ZNF652: variants seen among roughly 807,000 people sequenced by gnomAD.
The protein encoded by ZNF652 is zinc finger protein 652.
Under a neutral mutation model 45.2 loss-of-function variants are expected in ZNF652, and 16 were observed. That is an observed-to-expected ratio of 0.35 (90% CI 0.24 to 0.54). The LOEUF is 0.54. ZNF652 is among the 20% of genes least tolerant of loss of function. The pLI is 0.91. For missense variants in ZNF652, 614 were observed against 765.6 expected, an observed-to-expected ratio of 0.80 and a Z score of 2.34; for synonymous variants, 250 against 260.6, an observed-to-expected ratio of 0.96 and a Z score of 0.39.
chr17:49,343,045 C>G (rs2070166622), intron 1 of ZNF652, among the ~76,000 whole-genome samples: 2 of 152,100 alleles, frequency 1.3e-5, no homozygotes, highest in South Asian at 4.1e-4. Flanking sequence ...CCACACCCGG[C>G]TAATTTTTGT....
At position 49,316,989 on chromosome 17, in the gene ZNF652, G is replaced by A. The variant is rs748189084; in HGVS notation, c.737C>T (p.Thr246Ile). ...KAKCEEKETL[T>I]CEKCPRVFNT... ...AAATACCCTGGGGCACTTCTCACAG[G>A]TCAGAGTCTCTTTCTCTTCACACTT... Residue 246 changes from threonine to isoleucine, a missense_variant, in exon 2 of 6, where the codon ACC (threonine) becomes ATC (isoleucine). Physicochemically the swap from Thr to Ile is moderately conservative, Grantham distance 89. Around this residue, in one of 5 missense-constraint regions of ZNF652, gnomAD observed 262 missense variants for 306.3 expected, o/e 0.86. Coordinates refer to ENST00000430262, the MANE Select transcript of ZNF652 (RefSeq NM_001145365.3). 5.0e-6 allele frequency: 8 copies of A among 1,614,110 alleles called. No homozygotes were observed. Among genetic ancestry groups the A allele is most frequent in the Non-Finnish European group, 6.8e-6 (8 of 1,180,044 alleles).
chr17:49,293,680 A>C lies in ZNF652; in HGVS notation c.*4733T>G, dbSNP rs111780672. On this transcript the variant is annotated 3_prime_UTR_variant, in exon 6 of 6. Coordinates refer to ENST00000430262, the MANE Select transcript of ZNF652 (RefSeq NM_001145365.3). ...TAAAAAAAAAAAAAAAAAAAAAAAA[A>C]AAAAACTCTTAAGTAATTTCCTATC... 0.012 allele frequency among the ~76,000 whole-genome samples: 1,829 copies of C among 148,928 alleles called. 29 individuals are homozygous for C. Among genetic ancestry groups the C allele is most frequent in the African/African-American group, 0.044 (1,751 of 39,510 alleles).
intron 1 of ZNF652, among the ~76,000 whole-genome samples, chr17:49,337,314 C>T (rs1598307720): frequency 7.3e-6 from 1 of 137,418 alleles, no homozygotes; most frequent in Admixed American, 7.8e-5. Flanking sequence ...CCAGCATGGG[C>T]AACAGACCAA....
intron 2 of ZNF652, among the ~76,000 whole-genome samples, chr17:49,316,111 CATAAT>C (rs2069800611): frequency 1.3e-5 from 2 of 152,230 alleles, no homozygotes; most frequent in Admixed American, 1.3e-4. Flanking sequence ...ATCCACTTGA[CATAAT>C]ATAATTAGCA....
At position 49,316,793 on chromosome 17, in the gene ZNF652, T is replaced by A. The variant is rs372331458; in HGVS notation, c.900+33A>T. On this transcript the variant is annotated intron_variant, in intron 2 of 5. Transcript: ENST00000430262. ...GAATCTGAACAGCCAGGTTCTATCC[T>A]GAAAAGTTTTCCCTCTCGGTGATGA... 8 of 1,576,024 alleles carry A rather than the reference T, an allele frequency of 5.1e-6. No individual in the cohort carries two copies. The African/African-American group carries it at 9.5e-5, about 19-fold the overall frequency.
Position 49,312,046 on chromosome 17 carries a change from C to T in ZNF652, c.1049-4G>A. ...AATGGCATGTCTTTTGTGTGTGCTG[C>T]AACACAGAATGTACTTAGTGTCAAA... On this transcript the variant is annotated splice_region_variant and splice_polypyrimidine_tract_variant and intron_variant, in intron 3 of 5. Coordinates refer to ENST00000430262, the MANE Select transcript of ZNF652 (RefSeq NM_001145365.3). 2.5e-6 allele frequency: 4 copies of T among 1,604,520 alleles called. No individual in the cohort carries two copies. The highest frequency in any genetic ancestry group is 3.4e-6 in the Non-Finnish European group (4 of 1,172,724).
chr17:49,342,885 A>ATTT (rs752751225), intron 1 of ZNF652, among the ~76,000 whole-genome samples: 1 of 142,114 alleles, frequency 7.0e-6, no homozygotes, highest in African/African-American at 2.6e-5. Flanking sequence ...TCCACATAGA[A>ATTT]TTTTTTTTTT....
intron 1 of ZNF652, among the ~76,000 whole-genome samples, chr17:49,349,791 A>C (rs1012871640): frequency 2.0e-5 from 3 of 152,214 alleles, no homozygotes; most frequent in African/African-American, 7.2e-5. Context: ...ATGGAATACA[A>C]GAAGGGTGGG....
At chr17:49,338,601 TA>T (rs2143872167) in intron 1 of ZNF652, among the ~76,000 whole-genome samples, 1 of 152,336 alleles carries the variant, frequency 6.6e-6, no homozygotes, top group African/African-American at 2.4e-5. Flanking sequence ...AGCATCCTAA[TA>T]ATGCATACAG....
intron 1 of ZNF652, among the ~76,000 whole-genome samples, chr17:49,319,037 C>T (rs1432444478): frequency 6.6e-6 from 1 of 152,080 alleles, no homozygotes; most frequent in African/African-American, 2.4e-5. Context: ...TCTAAGAAAC[C>T]ATAACCATGA....
At chr17:49,316,790 T>C in intron 2 of ZNF652, 36 bp downstream of exon 2, 2 of 1,572,980 alleles carry the variant, frequency 1.3e-6, no homozygotes, top group Non-Finnish European at 1.7e-6. Flanking sequence ...CCAGGTTCTA[T>C]CCTGAAAAGT....
chr17:49,289,209 GGCT>G lies in ZNF652; in HGVS notation c.*9201_*9203del, dbSNP rs1224823354. 7.0e-6 allele frequency: 1 copy of G among 141,966 alleles called. No individual in the cohort carries two copies. The highest frequency in any genetic ancestry group is 1.5e-5 in the Non-Finnish European group (1 of 65,132). 8.8% of individuals were successfully genotyped at this position (141,966 alleles called of 1,614,324 possible). A position where few individuals can be genotyped will look rare whatever the true frequency, so the allele number is the denominator to read the frequency against. ...ATGAAGAAAGACACACAGGGGATAT[GGCT>G]GCTTTTTTTTTTTTTTTTTACTTTG... On this transcript the variant is annotated 3_prime_UTR_variant, in exon 6 of 6. Coordinates refer to ENST00000430262, the MANE Select transcript of ZNF652 (RefSeq NM_001145365.3).
At chr17:49,310,927 A>C (rs1297205518) in intron 5 of ZNF652, among the ~76,000 whole-genome samples, 1 of 152,110 alleles carries the variant, frequency 6.6e-6, no homozygotes, top group Non-Finnish European at 1.5e-5. Flanking sequence ...CAAAAAACAG[A>C]GAGAGAGGGG....
In ZNF652 at chr17:49,317,661, A is replaced by G; in HGVS notation, c.65T>C (p.Met22Thr). ...VENCAVHVAG[M>T]AQEDSRRGQV... The stretch of plus-strand genomic sequence containing the variant: ...ACCACGACGGCTATCTTCTTGTGCC[A>G]TTCCTGCTACATGCACAGCACAGTT... The change falls in exon 2 of 6, where the codon ATG (methionine) becomes ACG (threonine). Residue 22 changes from methionine (M) to threonine (T), a missense_variant. Physicochemically the swap from Met to Thr is moderately conservative, Grantham distance 81 (BLOSUM62 -1). Coordinates refer to ENST00000430262, the MANE Select transcript of ZNF652 (RefSeq NM_001145365.3). The G allele has an allele frequency of 1.2e-6, 2 of 1,613,338 alleles. No homozygotes were observed. Among genetic ancestry groups the G allele is most frequent in the Non-Finnish European group, 1.7e-6 (2 of 1,179,330 alleles).
Position 49,298,737 on chromosome 17 carries a change from A to G in ZNF652, c.1497T>C (p.Asn499=). The change falls in exon 6 of 6, where the codon AAT becomes AAC. Residue 499 remains asparagine (N), a synonymous_variant. Transcript: ENST00000430262. ...EKCFRVTSPV[N]VPPAVQIPLT... ...GTGGGATCTGGACAGCAGGTGGCAC[A>G]TTCACGGGGCTGGTCACCCGAAAGC... The G allele has an allele frequency of 6.2e-7, 1 of 1,614,084 alleles. No individual in the cohort carries two copies. The highest frequency in any genetic ancestry group is 1.1e-5 in the South Asian group (1 of 91,080).
chr17:49,353,501 G>C (rs779722845), intron 1 of ZNF652, among the ~76,000 whole-genome samples: 1 of 151,896 alleles, frequency 6.6e-6, no homozygotes, highest in South Asian at 2.1e-4. Context: ...TTTTGAGACA[G>C]AGTCTCGCTC....
At chr17:49,358,708 C>T (rs1316822383) in intron 1 of ZNF652, among the ~76,000 whole-genome samples, 1 of 152,080 alleles carries the variant, frequency 6.6e-6, no homozygotes, top group Non-Finnish European at 1.5e-5. Context: ...TTTCTTACCA[C>T]ACTACGAGAT....
At chr17:49,334,595 A>G (rs2070060473) in intron 1 of ZNF652, among the ~76,000 whole-genome samples, 1 of 152,140 alleles carries the variant, frequency 6.6e-6, no homozygotes, top group Non-Finnish European at 1.5e-5. Context: ...CGTGGGCAAC[A>G]TGGTGAAACC....
At chr17:49,327,266 G>A (rs62076439) in intron 1 of ZNF652, among the ~76,000 whole-genome samples, 2 of 151,730 alleles carry the variant, frequency 1.3e-5, no homozygotes, top group Non-Finnish European at 2.9e-5. Context: ...GGGTTCAAGC[G>A]ATTCTCCTGC....
Sources: gnomAD v4.1 joint callset for allele counts (sites outside exome capture counted in the v4.1 genomes callset) on GRCh38, gnomAD v4.1.1 for gene constraint, gnomAD v4.1.1 regional missense constraint, MANE v1.5 for transcripts, NCBI Gene and HGNC (gene_info 2026-07-23, HGNC 2026-07-21) for gene names.